Variants in HECTD2 observed in about 807,000 individuals in gnomAD.
HECTD2 encodes HECT domain E3 ubiquitin protein ligase 2.
A neutral mutation model predicts 103.2 loss-of-function variants in HECTD2; 35 were observed. The ratio of observed to expected loss-of-function variants is 0.34; its 90% confidence interval spans 0.26 to 0.45. The LOEUF (loss-of-function observed/expected upper bound fraction) is 0.45, where lower values mean the gene tolerates loss of function less well. Ranked by LOEUF, HECTD2 falls within the 20% of genes least tolerant of loss-of-function variation. The probability of loss-of-function intolerance (pLI) is 1.00; values close to 1 mark genes in which losing one functional copy is unlikely to be tolerated. For synonymous variants in HECTD2, 281 were observed against 329.9 expected (o/e 0.85, Z 1.61); for missense variants, 596 against 937.4 (o/e 0.64, Z 4.76).
chr10:91,462,101 G>C lies in HECTD2; in HGVS notation c.517G>C (p.Ala173Pro), dbSNP rs748368860. 3 of 1,585,736 alleles carry C rather than the reference G, an allele frequency of 1.9e-6. No homozygotes were observed. Among genetic ancestry groups the C allele is most frequent in the Admixed American group, 1.7e-5 (1 of 58,274 alleles). The change falls in exon 5 of 21, where the codon GCC (alanine) becomes CCC (proline). Residue 173 changes from alanine to proline, a missense_variant. By Grantham distance (27) the Ala-to-Pro change is conservative. This residue lies in a region of HECTD2 where 220 missense variants were observed against 233.9 expected (regional missense o/e 0.94). Transcript: ENST00000298068. ...TCTTAAATTGAATTTGCAGAAAGAT[G>C]CCACTGCCTCATTTAACACCATTGA... The part of the protein sequence containing the change: ...PELNAAFKKD[A>P]TASFNTIEDS...
At chr10:91,474,565 T>C (rs1273354463) in intron 5 of HECTD2, among the ~76,000 whole-genome samples, 1 of 152,140 alleles carries the variant, frequency 6.6e-6, no homozygotes, top group Non-Finnish European at 1.5e-5. Context: ...AAGAGGTTGA[T>C]TTTTATTTGC....
In HECTD2 at chr10:91,487,464, C is replaced by T. The variant is rs1251630077; in HGVS notation, c.1095-218C>T. Reference sequence around the variant, plus strand: ...ACATTCAGAACCTTTGATGTAGCTTCTGCAGAGAATAAAGGCATTGCACAT... The same window carrying T: ...ACATTCAGAACCTTTGATGTAGCTTTTGCAGAGAATAAAGGCATTGCACAT... On this transcript the variant is annotated intron_variant, in intron 10 of 20. Transcript: ENST00000298068. This position sits in a 1 kb window ranked among gnomAD's most constrained non-coding sequence, Gnocchi z 4.1. The T allele has an allele frequency of 3.7e-6, 2 of 547,046 alleles. No individual in the cohort carries two copies. Among genetic ancestry groups the T allele is most frequent in the Non-Finnish European group, 3.3e-6 (1 of 299,784 alleles). 33.9% of individuals were successfully genotyped at this position (547,046 alleles called of 1,614,324 possible).
intron 2 of HECTD2, among the ~76,000 whole-genome samples, chr10:91,445,911 G>A (rs931105167): frequency 1.4e-4 from 22 of 152,018 alleles, no homozygotes; most frequent in Non-Finnish European, 7.4e-5. Context: ...ATTCTCTTGG[G>A]TGCCTATGCC....
chr10:91,508,839 GTAT>G (rs1847303433), intron 20 of HECTD2, among the ~76,000 whole-genome samples: 2 of 151,986 alleles, frequency 1.3e-5, no homozygotes, highest in South Asian at 2.1e-4. Flanking sequence ...GTTTATTGCG[GTAT>G]TATTCACAAT....
chr10:91,462,092 C>T lies in HECTD2; in HGVS notation c.511-3C>T, dbSNP rs755029828. 1 of 1,578,140 alleles carries T rather than the reference C, an allele frequency of 6.3e-7. No individual in the cohort carries two copies. Among genetic ancestry groups the T allele is most frequent in the Non-Finnish European group, 8.7e-7 (1 of 1,153,406 alleles). ...ATACTTAATTCTTAAATTGAATTTG[C>T]AGAAAGATGCCACTGCCTCATTTAA... On this transcript the variant is annotated splice_polypyrimidine_tract_variant and splice_region_variant and intron_variant, in intron 4 of 20. Transcript: ENST00000298068.
chr10:91,480,525 A>G (rs1846054897), intron 6 of HECTD2, among the ~76,000 whole-genome samples: 1 of 152,138 alleles, frequency 6.6e-6, no homozygotes, highest in Non-Finnish European at 1.5e-5. Flanking sequence ...GATCTTGAGC[A>G]GGCAAGAAAC....
intron 7 of HECTD2, among the ~76,000 whole-genome samples, chr10:91,482,648 A>G (rs1001826391): frequency 2.6e-5 from 4 of 152,114 alleles, no homozygotes; most frequent in Middle Eastern, 6.8e-3. Flanking sequence ...AACCCTTAAG[A>G]TAGAGAATAT....
At chr10:91,511,539 T>G (rs931961837) in intron 20 of HECTD2, among the ~76,000 whole-genome samples, 3 of 152,138 alleles carry the variant, frequency 2.0e-5, no homozygotes, top group African/African-American at 7.2e-5. Context: ...AAGACAGTTT[T>G]TCCACAGAAC....
At chr10:91,481,002 C>CA in intron 6 of HECTD2, 92 bp from the exon 7 acceptor site, 1 of 752,690 alleles carries the variant, frequency 1.3e-6, no homozygotes. Context: ...TTTCTCAACT[C>CA]AGTCTTCATA....
chr10:91,429,190 G>T (rs1011132363), intron 2 of HECTD2, among the ~76,000 whole-genome samples: 3 of 151,854 alleles, frequency 2.0e-5, no homozygotes, highest in Non-Finnish European at 4.4e-5. Flanking sequence ...TTATTGATTT[G>T]CATATATTGA....
chr10:91,490,132 A>G (rs965324758), intron 11 of HECTD2, among the ~76,000 whole-genome samples: 5 of 152,170 alleles, frequency 3.3e-5, no homozygotes, highest in Admixed American at 6.5e-5. Context: ...AGCCATTAAC[A>G]TTTTAGTAAA....
Position 91,410,496 on chromosome 10 carries a change from G to T in HECTD2, c.58G>T (p.Ala20Ser). Reference protein sequence around the residue: ...PATPLVVAAPAPEERKGKESE... With the variant: ...PATPLVVAAPSPEERKGKESE... ...CACTCCGCTGGTGGTGGCGGCGCCC[G>T]CGCCTGAGGAGAGGAAAGGGAAGGA... The change falls in exon 1 of 21, where the codon GCG becomes TCG. Residue 20 changes from alanine (A) to serine (S), a missense_variant. Ala to Ser is a moderately conservative substitution (Grantham distance 99). Transcript: ENST00000298068. The T allele has an allele frequency of 6.8e-7, 1 of 1,462,038 alleles. No individual in the cohort carries two copies. Among genetic ancestry groups the T allele is most frequent in the South Asian group, 1.3e-5 (1 of 76,344 alleles). The allele number at this position is 1,462,038 out of a possible 1,614,324, so 90.6% of individuals were successfully genotyped here. A position where few individuals can be genotyped will look rare whatever the true frequency, so the allele number is the denominator to read the frequency against.
At chr10:91,490,828 T>G (rs926569386) in intron 11 of HECTD2, among the ~76,000 whole-genome samples, 2 of 140,006 alleles carry the variant, frequency 1.4e-5, no homozygotes, top group Admixed American at 1.5e-4. Flanking sequence ...GAGGCGGAGC[T>G]TGCAGTGAGC....
Position 91,410,349 on chromosome 10 carries a change from C to T in HECTD2, c.-90C>T. On this transcript the variant is annotated 5_prime_UTR_variant, in exon 1 of 21. Coordinates refer to ENST00000298068, the MANE Select transcript of HECTD2 (RefSeq NM_182765.6). ...GCGGCTAGAAGCGGCAGCCCAGAGC[C>T]CTCTCGCGGCCGCGGCGGCAGCAGC... 1 of 788,788 alleles carries T rather than the reference C, an allele frequency of 1.3e-6. No homozygotes were observed. The highest frequency in any genetic ancestry group is 4.6e-5 in the South Asian group (1 of 21,942). 48.9% of individuals were successfully genotyped at this position (788,788 alleles called of 1,614,324 possible).
chr10:91,471,177 T>C (rs2133239337), intron 5 of HECTD2, among the ~76,000 whole-genome samples: 1 of 152,218 alleles, frequency 6.6e-6, no homozygotes, highest in Admixed American at 6.5e-5. Context: ...CCTACACATA[T>C]CAATAAATGT....
At chr10:91,476,384 G>T (rs1845902319) in intron 5 of HECTD2, among the ~76,000 whole-genome samples, 1 of 152,190 alleles carries the variant, frequency 6.6e-6, no homozygotes, top group South Asian at 2.1e-4. Context: ...CACCACACCT[G>T]CTCAATCACC....
At chr10:91,476,855 A>C (rs1336758197) in intron 5 of HECTD2, among the ~76,000 whole-genome samples, 1 of 152,088 alleles carries the variant, frequency 6.6e-6, no homozygotes, top group Non-Finnish European at 1.5e-5. Context: ...CCTAGCAAAG[A>C]GGCTGCTCAG....
chr10:91,470,342 A>C (rs1210994173), intron 5 of HECTD2, among the ~76,000 whole-genome samples: 1 of 152,180 alleles, frequency 6.6e-6, no homozygotes, highest in Non-Finnish European at 1.5e-5. Flanking sequence ...CTTTTAAAAA[A>C]TGAATTCATA....
intron 2 of HECTD2, among the ~76,000 whole-genome samples, chr10:91,429,459 G>T (rs1186702781): frequency 2.6e-5 from 4 of 152,052 alleles, no homozygotes; most frequent in African/African-American, 9.7e-5. Context: ...AATGGTACCA[G>T]TTCCTCCTTG....
Sources: allele counts gnomAD v4.1 joint callset (sites outside exome capture counted in the v4.1 genomes callset), GRCh38; gene constraint gnomAD v4.1.1; regional missense constraint gnomAD v4.1.1; non-coding constraint Gnocchi (gnomAD v3.1); transcripts MANE v1.5; gene names NCBI Gene and HGNC (gene_info 2026-07-23, HGNC 2026-07-21).